KHDC1: variants seen among roughly 807,000 people sequenced by gnomAD.
KHDC1 encodes the protein KH domain containing 1.
KHDC1 carries 21 observed loss-of-function variants against 24.7 expected under a neutral mutation model. The observed-to-expected ratio is 0.85, with a 90% CI of 0.60 to 1.23. KHDC1 has a LOEUF of 1.23. Ranked by LOEUF, KHDC1 falls within the 50% of genes most tolerant of loss-of-function variation. KHDC1 has a pLI of 0.00. For missense variants in KHDC1, 274 were observed against 298.5 expected, an observed-to-expected ratio of 0.92 and a Z score of 0.61; for synonymous variants, 98 against 111.7, an observed-to-expected ratio of 0.88 and a Z score of 0.77.
intron 2 of KHDC1, among the ~76,000 whole-genome samples, chr6:73,257,209 C>T (rs1281357403): frequency 1.3e-5 from 2 of 152,128 alleles, no homozygotes; most frequent in African/African-American, 4.8e-5. Context: ...GGGAAGATTG[C>T]TTGAGCCCAG....
chr6:73,287,838 G>T (rs575205534), intron 2 of KHDC1, among the ~76,000 whole-genome samples: 2 of 152,260 alleles, frequency 1.3e-5, no homozygotes, highest in African/African-American at 4.8e-5. Flanking sequence ...GGCACACTGG[G>T]TCCATAACCC....
chr6:73,309,789 C>G (rs188283434), exon 1 of KHDC1: 1 of 1,498,920 alleles, frequency 6.7e-7, no homozygotes, highest in African/African-American at 1.4e-5. Flanking sequence ...ACCGCAGAGC[C>G]CGCCGGCGGG....
intron 1 of KHDC1, among the ~76,000 whole-genome samples, chr6:73,309,120 A>G (rs1768030744): frequency 6.6e-6 from 1 of 152,210 alleles, no homozygotes; most frequent in Non-Finnish European, 1.5e-5. Flanking sequence ...CGCGCCTGGC[A>G]GTTTGCATTT....
chr6:73,287,589 G>T (rs1310578704), intron 2 of KHDC1, among the ~76,000 whole-genome samples: 1 of 152,170 alleles, frequency 6.6e-6, no homozygotes, highest in Non-Finnish European at 1.5e-5. Flanking sequence ...GAAGGACCTG[G>T]CAATGCTATG....
chr6:73,258,448 AG>A (rs1766922521), intron 2 of KHDC1, among the ~76,000 whole-genome samples: 2 of 152,142 alleles, frequency 1.3e-5, no homozygotes, highest in Admixed American at 6.5e-5. Context: ...GTCTCAAAAA[AG>A]AAAAAAAAAA....
chr6:73,244,710 G>A (rs867077406), intron 2 of KHDC1, among the ~76,000 whole-genome samples: 96 of 143,362 alleles, frequency 6.7e-4, no homozygotes, highest in Non-Finnish European at 1.0e-3. Context: ...GGCGGGGGGG[G>A]GCTCCGTAAG....
At chr6:73,250,873 T>A (rs945484905) in intron 2 of KHDC1, among the ~76,000 whole-genome samples, 3 of 152,208 alleles carry the variant, frequency 2.0e-5, no homozygotes, top group African/African-American at 7.2e-5. Flanking sequence ...CGAGTCTCGC[T>A]CTGTTGCCCA....
rs534893261 is a variant in KHDC1 at position 73,271,727 on chromosome 6, C to A, written c.206+20271G>T. Among the ~76,000 whole-genome samples, 88 of 151,412 alleles carry A rather than the reference C, an allele frequency of 5.8e-4. 3 individuals are homozygous for A. In the South Asian group the frequency reaches 0.018, roughly 31 times the overall value. ...TGGCCAACATGGTGAAACCCCTTCT[C>A]TACTAAAACTACAAGAATTAGCCAG... On this transcript the variant is annotated intron_variant, in intron 2 of 4. Transcript: ENST00000370384.
intron 1 of KHDC1, among the ~76,000 whole-genome samples, chr6:73,298,649 T>C (rs894225863): frequency 6.6e-6 from 1 of 151,752 alleles, no homozygotes; most frequent in Non-Finnish European, 1.5e-5. Flanking sequence ...TCCGTCAGGG[T>C]CAGGATCACC....
intron 2 of KHDC1, among the ~76,000 whole-genome samples, chr6:73,272,850 T>C (rs1440975856): frequency 6.8e-6 from 1 of 147,612 alleles, no homozygotes; most frequent in African/African-American, 2.6e-5. Context: ...TCTTTTCTTT[T>C]CTTTTCTTTT....
intron 1 of KHDC1, among the ~76,000 whole-genome samples, chr6:73,302,667 A>G (rs889670417): frequency 1.3e-5 from 2 of 152,224 alleles, no homozygotes; most frequent in Admixed American, 6.5e-5. Flanking sequence ...CGCCACTGTT[A>G]TAGGAATTTT....
intron 2 of KHDC1, among the ~76,000 whole-genome samples, chr6:73,245,762 C>A (rs1766653478): frequency 6.6e-6 from 1 of 151,892 alleles, no homozygotes; most frequent in African/African-American, 2.4e-5. Context: ...CCAGACACAC[C>A]CCCCACCACC....
Position 73,278,178 on chromosome 6 carries a change from A to AT in KHDC1, c.206+13819dup, listed in dbSNP as rs34114549. ...AAGCACAAGCCACCACGCCTGGCCA[A>AT]TTTTTTTTTTTTTTTTTTGTACTTT... On this transcript the variant is annotated intron_variant, in intron 2 of 4. Transcript: ENST00000370384. 1.3e-3 allele frequency among the ~76,000 whole-genome samples: 170 copies of AT among 131,470 alleles called. 1 individual carries two copies. Among genetic ancestry groups the AT allele is most frequent in the South Asian group, 7.9e-3 (33 of 4,152 alleles). The allele number at this position is 131,470 out of a possible 152,430, so 86.2% of individuals were successfully genotyped here.
intron 2 of KHDC1, among the ~76,000 whole-genome samples, chr6:73,251,799 C>CTTT (rs754294241): frequency 8.1e-6 from 1 of 124,108 alleles, no homozygotes; most frequent in Non-Finnish European, 1.8e-5. Flanking sequence ...CTTTTCTTTT[C>CTTT]TTTTTTTTTT....
At chr6:73,293,923 A>G (rs932003328) in intron 1 of KHDC1, among the ~76,000 whole-genome samples, 1 of 150,688 alleles carries the variant, frequency 6.6e-6, no homozygotes, top group Non-Finnish European at 1.5e-5. Flanking sequence ...GGAGAATCGC[A>G]TGAACCCAGG....
intron 2 of KHDC1, among the ~76,000 whole-genome samples, chr6:73,272,210 C>G (rs1032477974): frequency 6.6e-6 from 1 of 151,666 alleles, no homozygotes; most frequent in Admixed American, 6.6e-5. Flanking sequence ...GTCGCCCACG[C>G]TGGAGTGCAG....
exon 1 of KHDC1, chr6:73,309,839 C>A: frequency 8.4e-7 from 1 of 1,189,306 alleles, no homozygotes; most frequent in Non-Finnish European, 1.2e-6. Context: ...GTTCAGGACG[C>A]GAAGGAAAGG....
At chr6:73,291,349 GCTGAAGTGGCAATGTTTAAGTAACAT>G (rs1767647360) in intron 2 of KHDC1, 1 of 203,846 alleles carries the variant, frequency 4.9e-6, no homozygotes. Flanking sequence ...AACACGAACA[GCTGAAGTGGCAATGTTTAAGTAACAT>G]CTGGTAGACT....
chr6:73,263,406 G>C (rs928733673), intron 2 of KHDC1: 106 of 506,846 alleles, frequency 2.1e-4, no homozygotes, highest in Non-Finnish European at 2.2e-4. Flanking sequence ...CTGAGCCAGC[G>C]GAGCTGCTTG....
Sources: gnomAD v4.1 joint callset for allele counts (sites outside exome capture counted in the v4.1 genomes callset) on GRCh38, gnomAD v4.1.1 for gene constraint, MANE v1.5 for transcripts, NCBI Gene and HGNC (gene_info 2026-07-23, HGNC 2026-07-21) for gene names.